The following ATM variants were observed in gnomAD, a reference collection of about 807,000 sequenced individuals.
The protein encoded by ATM is ATM serine/threonine kinase.
A neutral mutation model predicts 387.0 loss-of-function variants in ATM; 308 were observed. The ratio of observed to expected loss-of-function variants is 0.80; its 90% CI spans 0.73 to 0.87. The LOEUF (loss-of-function observed/expected upper bound fraction) is 0.87. Among genes scored for constraint, ATM ranks in the 40% least tolerant of loss-of-function variants. The pLI is 0.00. For synonymous variants in ATM, 1,156 were observed against 1,187.3 expected (o/e 0.97, Z 0.54); for missense variants, 3,312 against 3,560.9 (o/e 0.93, Z 1.78).
intron 29 of ATM, chr11:108,290,664 AAAAG>A (rs2082739590): frequency 6.6e-6 from 1 of 150,992 alleles, no homozygotes; most frequent in Non-Finnish European, 1.5e-5. Context: ...AAAAAAAAAA[AAAAG>A]AAAATTATCC....
intron 1 of ATM, chr11:108,224,124 G>A (rs2078624064): frequency 6.6e-6 from 1 of 152,188 alleles, no homozygotes; most frequent in Non-Finnish European, 1.5e-5. Context: ...GGTCCTTAAA[G>A]GGACTCATAG....
Position 108,284,193 on chromosome 11 carries a change from A to G in ATM, c.3747-34A>G, listed in dbSNP as rs3092840. The G allele has an allele frequency of 1.5e-3, 2,241 of 1,507,448 alleles. 22 individuals are homozygous for G. In the African/African-American group the frequency reaches 0.019, roughly 13 times the overall value. 93.4% of individuals were successfully genotyped at this position (1,507,448 alleles called of 1,614,324 possible). On this transcript the variant is annotated intron_variant, in intron 25 of 62. Coordinates refer to ENST00000675843, the MANE Select transcript of ATM (RefSeq NM_000051.4). ...ATAAAATTTTACTTGGAAAAGTTAT[A>G]TATAACCTGTATTTTAAATTTTTCT...
intron 37 of ATM, among the ~76,000 whole-genome samples, chr11:108,305,702 A>G (rs1398057020): frequency 2.0e-5 from 3 of 152,198 alleles, no homozygotes; most frequent in African/African-American, 7.2e-5. Context: ...CTTTCCTTCT[A>G]TGACATATAA....
chr11:108,362,520 T>G (rs2090890804), intron 61 of ATM, among the ~76,000 whole-genome samples: 1 of 149,656 alleles, frequency 6.7e-6, no homozygotes. Flanking sequence ...TGCGGCATTA[T>G]TCACAATAGC....
In ATM at chr11:108,299,589, A is replaced by C; in HGVS notation, c.5006-125A>C. On this transcript the variant is annotated intron_variant, in intron 33 of 62. Transcript: ENST00000675843. Reference sequence around the variant, plus strand: ...TGGGATTACAGTCGTGAGCCACCGCACTCGGCCTTAAGGTTAATTCTTGAA... The same window carrying C: ...TGGGATTACAGTCGTGAGCCACCGCCCTCGGCCTTAAGGTTAATTCTTGAA... 11 of 974,914 alleles carry C rather than the reference A, an allele frequency of 1.1e-5. No homozygotes were observed. In the South Asian group the frequency reaches 1.5e-4, roughly 13 times the overall value. 60.4% of individuals were successfully genotyped at this position (974,914 alleles called of 1,614,324 possible).
intron 56 of ATM, among the ~76,000 whole-genome samples, chr11:108,342,147 T>G (rs1043495767): frequency 6.6e-6 from 1 of 152,188 alleles, no homozygotes; most frequent in African/African-American, 2.4e-5. Context: ...GTATTTTATG[T>G]GTGGCCCAAG....
At chr11:108,347,660 C>T (rs1565568244) in intron 59 of ATM, among the ~76,000 whole-genome samples, 1 of 152,022 alleles carries the variant, frequency 6.6e-6, no homozygotes, top group Non-Finnish European at 1.5e-5. Context: ...CAGGGCTATT[C>T]CACCAAAACA....
At chr11:108,276,205 C>G (rs1276814338) in intron 22 of ATM, among the ~76,000 whole-genome samples, 1 of 152,162 alleles carries the variant, frequency 6.6e-6, no homozygotes, top group African/African-American at 2.4e-5. Context: ...TTTTTCAGCT[C>G]CATCAGGTCA....
Position 108,304,153 on chromosome 11 carries a change from T to A in ATM, c.5497-522T>A, listed in dbSNP as rs112339305. On this transcript the variant is annotated intron_variant, in intron 36 of 62. Coordinates refer to ENST00000675843, the MANE Select transcript of ATM (RefSeq NM_000051.4). ...TCTGCTCTTTGGAATATACCACAAA[T>A]AATTACCCAAATTTTATGCCCAGAA... Among the ~76,000 whole-genome samples, 488 of 152,338 alleles carry A rather than the reference T, an allele frequency of 3.2e-3. 2 individuals are homozygous for A. Among genetic ancestry groups the A allele is most frequent in the African/African-American group, 0.011 (468 of 41,588 alleles).
rs587782141 is a variant in ATM at position 108,253,920 on chromosome 11, T to C, written c.2005T>C (p.Cys669Arg). Reference sequence around the variant, plus strand: ...GGACTTTTTAACCATTGTGAGAGAATGTGGTATAGAAAAGCACCAGTCCAG... The same window carrying C: ...GGACTTTTTAACCATTGTGAGAGAACGTGGTATAGAAAAGCACCAGTCCAG... ...KMDFLTIVRECGIEKHQSSIG... is the reference protein window; with the variant it reads ...KMDFLTIVRERGIEKHQSSIG... Residue 669 changes from cysteine (C) to arginine (R), a missense_variant, in exon 13 of 63, where the codon TGT becomes CGT. Physicochemically the swap from Cys to Arg is radical, Grantham distance 180 (BLOSUM62 -3). Coordinates refer to ENST00000675843, the MANE Select transcript of ATM (RefSeq NM_000051.4). 3 of 1,614,114 alleles carry C rather than the reference T, an allele frequency of 1.9e-6. No homozygotes were observed. Among genetic ancestry groups the C allele is most frequent in the Middle Eastern group, 1.7e-4 (1 of 6,060 alleles).
At chr11:108,348,250 GAA>G (rs1401152223) in intron 59 of ATM, among the ~76,000 whole-genome samples, 2 of 151,638 alleles carry the variant, frequency 1.3e-5, no homozygotes, top group African/African-American at 4.8e-5. Context: ...TAATATAAAA[GAA>G]AGAGAATATA....
intron 45 of ATM, among the ~76,000 whole-genome samples, chr11:108,322,969 C>T (rs2136273145): frequency 6.6e-6 from 1 of 152,004 alleles, no homozygotes; most frequent in South Asian, 2.1e-4. Flanking sequence ...CCTCAGTTTC[C>T]TCATTTCTAA....
At chr11:108,293,877 CAAAAAAAA>C (rs33977155) in intron 31 of ATM, among the ~76,000 whole-genome samples, 10 of 106,124 alleles carry the variant, frequency 9.4e-5, no homozygotes, top group Admixed American at 2.2e-4. Flanking sequence ...GACCCTGTCT[CAAAAAAAA>C]AAAAAAAAAA....
Position 108,322,775 on chromosome 11 carries a change from C to T in ATM, c.6572+1355C>T, listed in dbSNP as rs117256735. Among the ~76,000 whole-genome samples, 745 of 152,064 alleles carry T rather than the reference C, an allele frequency of 4.9e-3. 3 individuals carry two copies. Among genetic ancestry groups the T allele is most frequent in the Non-Finnish European group, 7.8e-3 (530 of 67,988 alleles). ...TGCTTTTCTCTTTATAACTTTTTCCCTGGCCCACCCAGATAAAATTGTTTC... is the reference window on the plus strand; with the variant it reads ...TGCTTTTCTCTTTATAACTTTTTCCTTGGCCCACCCAGATAAAATTGTTTC... On this transcript the variant is annotated intron_variant, in intron 45 of 62. Transcript: ENST00000675843.
chr11:108,262,054 ACT>A (rs2080925869), intron 16 of ATM, among the ~76,000 whole-genome samples: 1 of 152,146 alleles, frequency 6.6e-6, no homozygotes, highest in Admixed American at 6.5e-5. Flanking sequence ...GTTGGAAAAC[ACT>A]CTGCAGGATA....
intron 4 of ATM, among the ~76,000 whole-genome samples, chr11:108,232,652 G>A (rs545277452): frequency 1.4e-5 from 2 of 144,598 alleles, no homozygotes; most frequent in East Asian, 4.3e-4. Flanking sequence ...CGATTCTCAC[G>A]TGTCAGCCTC....
intron 20 of ATM, among the ~76,000 whole-genome samples, 186 bp downstream of exon 20, chr11:108,271,592 G>C (rs1304637060): frequency 2.0e-5 from 3 of 152,124 alleles, no homozygotes; most frequent in African/African-American, 7.2e-5. Context: ...TTTGTTTAAG[G>C]CTTGGCTTTC....
chr11:108,343,404 A>C, intron 57 of ATM, 33 bp downstream of exon 57: 1 of 1,612,116 alleles, frequency 6.2e-7, no homozygotes, highest in Non-Finnish European at 8.5e-7. Flanking sequence ...GGTTATTGTA[A>C]GATTATTTAA....
intron 17 of ATM, among the ~76,000 whole-genome samples, chr11:108,267,881 A>G (rs2135517150): frequency 6.6e-6 from 1 of 152,328 alleles, no homozygotes; most frequent in South Asian, 2.1e-4. Flanking sequence ...AAATCATATG[A>G]TAGGTTATTT....
Sources: allele counts gnomAD v4.1 joint callset (sites outside exome capture counted in the v4.1 genomes callset), GRCh38; gene constraint gnomAD v4.1.1; transcripts MANE v1.5; gene names NCBI Gene and HGNC (gene_info 2026-07-23, HGNC 2026-07-21).